Variants in PHF14 observed in about 807,000 individuals in gnomAD.
The protein encoded by PHF14 is PHD finger protein 14.
A neutral mutation model predicts 117.9 loss-of-function variants in PHF14; 55 were observed. That is an observed-to-expected ratio of 0.47 (90% CI 0.38 to 0.58). PHF14 has a LOEUF of 0.58. Ranked by LOEUF, PHF14 falls within the 20% of genes least tolerant of loss-of-function variation. PHF14 has a pLI of 0.00. For missense variants in PHF14, 978 were observed against 1,122.2 expected (o/e 0.87, Z 1.84); for synonymous variants, 409 against 368.6 (o/e 1.11, Z -1.26).
At chr7:11,158,318 A>G (rs1452569958) in intron 17 of PHF14, among the ~76,000 whole-genome samples, 2 of 152,016 alleles carry the variant, frequency 1.3e-5, no homozygotes, top group Non-Finnish European at 2.9e-5. Context: ...ATGTCCCACA[A>G]GTTGGGTTTG....
intron 3 of PHF14, among the ~76,000 whole-genome samples, chr7:10,984,311 T>G (rs1782143790): frequency 1.3e-5 from 2 of 152,162 alleles, no homozygotes; most frequent in African/African-American, 4.8e-5. Flanking sequence ...GCAGTTTATA[T>G]TTGGATTATA....
At chr7:11,093,200 A>G (rs919964198) in intron 16 of PHF14, among the ~76,000 whole-genome samples, 4 of 152,228 alleles carry the variant, frequency 2.6e-5, no homozygotes, top group African/African-American at 7.2e-5. Context: ...GTTTAATTGC[A>G]TCTTTAATAT....
At chr7:11,066,588 A>G (rs1170517733) in intron 16 of PHF14, among the ~76,000 whole-genome samples, 1 of 152,090 alleles carries the variant, frequency 6.6e-6, no homozygotes, top group African/African-American at 2.4e-5. Flanking sequence ...TCTGAAATTA[A>G]TTTTTGTATA....
chr7:10,976,280 C>G (rs1781862694), intron 2 of PHF14, among the ~76,000 whole-genome samples: 1 of 152,118 alleles, frequency 6.6e-6, no homozygotes, highest in African/African-American at 2.4e-5. Context: ...AGCTCTTTAT[C>G]TCCCATTTAG....
In PHF14 at chr7:11,004,184, C is replaced by T. The variant is rs935895866; in HGVS notation, c.1046-9563C>T. Among the ~76,000 whole-genome samples the T allele has an allele frequency of 2.1e-5, 3 of 141,996 alleles. No individual in the cohort carries two copies. In the South Asian group the frequency reaches 6.5e-4, roughly 31 times the overall value. 93.2% of individuals were successfully genotyped at this position (141,996 alleles called of 152,430 possible). A position where few individuals can be genotyped will look rare whatever the true frequency, so the allele number is the denominator to read the frequency against. On this transcript the variant is annotated intron_variant, in intron 4 of 17. Transcript: ENST00000634607. ...ATCGCTTGAGCCAGGGAGTTCAAGG[C>T]TGCAGTGAACCAAGATTGCACCACT...
chr7:11,001,770 A>G (rs769491798), intron 4 of PHF14, among the ~76,000 whole-genome samples: 10 of 152,038 alleles, frequency 6.6e-5, no homozygotes, highest in Admixed American at 3.3e-4. Context: ...ATTTTTGGCT[A>G]CTCTTCCAGA....
chr7:11,061,126 C>T (rs914884497), intron 14 of PHF14, among the ~76,000 whole-genome samples: 32 of 152,082 alleles, frequency 2.1e-4, no homozygotes, highest in African/African-American at 7.5e-4. Context: ...ATATTTCTAA[C>T]ATATTGGCTG....
At chr7:11,127,588 C>T (rs964693862) in intron 17 of PHF14, among the ~76,000 whole-genome samples, 6 of 152,066 alleles carry the variant, frequency 3.9e-5, no homozygotes, top group African/African-American at 1.4e-4. Flanking sequence ...CCTCCAAACT[C>T]CCAGGGGACA....
rs537587271 is a variant in PHF14, at chr7:11,136,966, C to T, written c.2772+25499C>T. On this transcript the variant is annotated intron_variant, in intron 17 of 17. Coordinates refer to ENST00000634607, the MANE Select transcript of PHF14 (RefSeq NM_001007157.2). Reference sequence around the variant, plus strand: ...AGATAAAAAATATTCAAGAAATAACCACTACTAACATTTCGTTAGGACCTT... The same window carrying T: ...AGATAAAAAATATTCAAGAAATAACTACTACTAACATTTCGTTAGGACCTT... Among the ~76,000 whole-genome samples, 81 of 152,142 alleles carry T rather than the reference C, an allele frequency of 5.3e-4. No individual in the cohort carries two copies. In the South Asian group the frequency reaches 0.015, roughly 28 times the overall value.
intron 17 of PHF14, among the ~76,000 whole-genome samples, chr7:11,143,901 G>A (rs1478223394): frequency 6.6e-6 from 1 of 151,906 alleles, no homozygotes; most frequent in African/African-American, 2.4e-5. Flanking sequence ...AAAAGCTTCT[G>A]TACAGCAAAG....
intron 16 of PHF14, chr7:11,102,442 A>G (rs1490870679): frequency 6.3e-7 from 1 of 1,599,252 alleles, no homozygotes; most frequent in Admixed American, 1.7e-5. Context: ...AGCTGCTATG[A>G]TCTTTAAATG....
chr7:11,001,693 C>A (rs986241583), intron 4 of PHF14, among the ~76,000 whole-genome samples: 4 of 151,986 alleles, frequency 2.6e-5, no homozygotes, highest in African/African-American at 9.7e-5. Context: ...CATAAGAAAG[C>A]AATTGGCTTT....
At chr7:11,123,918 A>G (rs77488043) in intron 17 of PHF14, among the ~76,000 whole-genome samples, 1 of 141,736 alleles carries the variant, frequency 7.1e-6, no homozygotes, top group Non-Finnish European at 1.5e-5. Flanking sequence ...ACTCCATCTC[A>G]AAAAAAAAAA....
intron 12 of PHF14, among the ~76,000 whole-genome samples, chr7:11,041,129 G>A (rs980785870): frequency 6.6e-6 from 1 of 151,882 alleles, no homozygotes; most frequent in Admixed American, 6.6e-5. Context: ...AGATAGTGAT[G>A]GGTATCATAT....
intron 7 of PHF14, among the ~76,000 whole-genome samples, chr7:11,031,678 C>T (rs1010069338): frequency 2.2e-4 from 34 of 151,944 alleles, no homozygotes; most frequent in African/African-American, 7.0e-4. Flanking sequence ...CACATATACC[C>T]GGGAGTTTGA....
At chr7:11,062,910 T>TA (rs1477181150) in intron 16 of PHF14, 1 of 983,066 alleles carries the variant, frequency 1.0e-6, no homozygotes, top group Non-Finnish European at 1.2e-6. Flanking sequence ...CTTATTTCTT[T>TA]AAAAAATTGT....
intron 14 of PHF14, among the ~76,000 whole-genome samples, chr7:11,055,184 T>C (rs906793489): frequency 1.3e-5 from 2 of 152,214 alleles, no homozygotes; most frequent in African/African-American, 4.8e-5. Context: ...TACTTACTTT[T>C]AGGCAAGGAA....
intron 16 of PHF14, among the ~76,000 whole-genome samples, chr7:11,081,543 G>C (rs928420819): frequency 6.6e-6 from 1 of 152,144 alleles, no homozygotes; most frequent in Admixed American, 6.6e-5. Flanking sequence ...AAACATTTAA[G>C]TTTAAGTTAG....
rs533218783 is a variant in PHF14, at chr7:11,111,308, A to G, written c.2655-42A>G. 3.6e-5 allele frequency: 33 copies of G among 928,538 alleles called. No homozygotes were observed. In the African/African-American group the frequency reaches 3.6e-4, roughly 10 times the overall value. 57.5% of individuals were successfully genotyped at this position (928,538 alleles called of 1,614,324 possible). On this transcript the variant is annotated intron_variant, in intron 16 of 17. Transcript: ENST00000634607. ...TTTTCATGAAGTAGATGGTTTTTAT[A>G]TTATTTAGATACACCTACCTATAAA...
Sources: allele counts gnomAD v4.1 joint callset (sites outside exome capture counted in the v4.1 genomes callset), GRCh38; gene constraint gnomAD v4.1.1; transcripts MANE v1.5; gene names NCBI Gene and HGNC (gene_info 2026-07-23, HGNC 2026-07-21).